MCU: variants seen among roughly 807,000 people sequenced by gnomAD.
The protein encoded by MCU is calcium uniporter protein, mitochondrial.
MCU carries 12 observed loss-of-function variants against 45.2 expected under a neutral mutation model. That is an observed-to-expected ratio of 0.27 (90% CI 0.17 to 0.43). MCU has a LOEUF of 0.43. MCU is among the 20% of genes least tolerant of loss of function. The probability of loss-of-function intolerance (pLI) is 1.00; values close to 1 mark genes in which losing one functional copy is unlikely to be tolerated. For missense variants in MCU, 324 were observed against 436.7 expected (o/e 0.74, Z 2.30); for synonymous variants, 160 against 165.1 (o/e 0.97, Z 0.24).
At chr10:72,775,715 G>T (rs1843882975) in intron 1 of MCU, among the ~76,000 whole-genome samples, 1 of 152,090 alleles carries the variant, frequency 6.6e-6, no homozygotes, top group African/African-American at 2.4e-5. Context: ...GACATACAAA[G>T]AATGGTTAGA....
rs530783562 is a variant in MCU at position 72,710,106 on chromosome 10, G to A, written c.150+17805G>A. 2.6e-5 allele frequency among the ~76,000 whole-genome samples: 4 copies of A among 152,262 alleles called. No homozygotes were observed. In the South Asian group the frequency reaches 8.3e-4, roughly 32 times the overall value. ...TTCTCCTGCCTCAGCCTCCTGAGTA[G>A]CTGGGACTACAGGCACATGCCACCA... On this transcript the variant is annotated intron_variant, in intron 1 of 7. Coordinates refer to ENST00000373053, the MANE Select transcript of MCU (RefSeq NM_138357.3).
chr10:72,716,650 G>C (rs573798071), intron 1 of MCU, among the ~76,000 whole-genome samples: 1 of 151,932 alleles, frequency 6.6e-6, no homozygotes, highest in Non-Finnish European at 1.5e-5. Context: ...TTGGGAGGCC[G>C]AGGTGTGAGG....
intron 1 of MCU, among the ~76,000 whole-genome samples, chr10:72,807,167 A>G (rs1157329597): frequency 1.3e-5 from 2 of 152,202 alleles, no homozygotes; most frequent in African/African-American, 4.8e-5. Flanking sequence ...AGCTGAGCTT[A>G]AAAGCCTGAT....
chr10:72,839,228 G>A (rs1377761940), intron 2 of MCU, among the ~76,000 whole-genome samples: 1 of 152,134 alleles, frequency 6.6e-6, no homozygotes, highest in Non-Finnish European at 1.5e-5. Flanking sequence ...GACCTCAGGT[G>A]ATCCACCCAC....
At position 72,707,649 on chromosome 10, in the gene MCU, T is replaced by TGTGTG. The variant is rs1564534358; in HGVS notation, c.150+15348_150+15349insGTGTG. On this transcript the variant is annotated intron_variant, in intron 1 of 7. Transcript: ENST00000373053. ...TGTGTGTGTGTGTGTGTGTGTGTGT[T>TGTGTG]TCCCACCAAAACAAAAGTAATTGAA... 3.0e-5 allele frequency among the ~76,000 whole-genome samples: 3 copies of TGTGTG among 98,738 alleles called. No homozygotes were observed. In the East Asian group the frequency reaches 1.7e-3, roughly 55 times the overall value. The allele number at this position is 98,738 out of a possible 152,430, so 64.8% of individuals were successfully genotyped here.
chr10:72,865,564 AG>A (rs1244852141), intron 4 of MCU, among the ~76,000 whole-genome samples: 1 of 152,084 alleles, frequency 6.6e-6, no homozygotes, highest in African/African-American at 2.4e-5. Flanking sequence ...TTTCTGAGAC[AG>A]GGTCTCACTC....
chr10:72,741,115 T>G (rs1843324830), intron 1 of MCU, among the ~76,000 whole-genome samples: 1 of 115,206 alleles, frequency 8.7e-6, no homozygotes, highest in Admixed American at 8.6e-5. Context: ...TTTTTTTTTT[T>G]GTGTGACGGA....
chr10:72,767,018 A>G (rs962334640), intron 1 of MCU: 3 of 152,194 alleles, frequency 2.0e-5, no homozygotes, highest in Non-Finnish European at 2.9e-5. Flanking sequence ...GACTTCTACC[A>G]CAATAAAATA....
intron 1 of MCU, among the ~76,000 whole-genome samples, chr10:72,783,483 C>T (rs1844026385): frequency 6.6e-6 from 1 of 152,194 alleles, no homozygotes; most frequent in Non-Finnish European, 1.5e-5. Context: ...ACTTATTCAA[C>T]TCTTTGGCAT....
intron 1 of MCU, among the ~76,000 whole-genome samples, chr10:72,710,657 G>T (rs1402555692): frequency 2.3e-4 from 33 of 144,138 alleles, no homozygotes; most frequent in Non-Finnish European, 1.5e-5. Context: ...TTTAAATTGT[G>T]AAGTATGTCA....
chr10:72,741,077 A>G (rs915987275), intron 1 of MCU, among the ~76,000 whole-genome samples: 74 of 150,846 alleles, frequency 4.9e-4, no homozygotes, highest in African/African-American at 1.7e-3. Context: ...TGAGTTCTTG[A>G]GAGAATAGCG....
chr10:72,863,003 C>T (rs2132873949), intron 4 of MCU, among the ~76,000 whole-genome samples: 1 of 152,116 alleles, frequency 6.6e-6, no homozygotes, highest in Non-Finnish European at 1.5e-5. Flanking sequence ...ATCTGGTCCC[C>T]ATCTACCTTT....
At chr10:72,780,936 A>G (rs1843983400) in intron 1 of MCU, among the ~76,000 whole-genome samples, 1 of 152,234 alleles carries the variant, frequency 6.6e-6, no homozygotes. Flanking sequence ...TAATTTGGTG[A>G]CATTGTGATA....
At chr10:72,776,149 C>T (rs1222723699) in intron 1 of MCU, among the ~76,000 whole-genome samples, 2 of 150,038 alleles carry the variant, frequency 1.3e-5, no homozygotes, top group African/African-American at 2.5e-5. Flanking sequence ...ACCTGGGCAA[C>T]ATGAGTGAGA....
chr10:72,748,824 C>T (rs985723206), intron 1 of MCU, among the ~76,000 whole-genome samples: 1 of 152,118 alleles, frequency 6.6e-6, no homozygotes, highest in African/African-American at 2.4e-5. Flanking sequence ...CTTTCCTTGA[C>T]AGTGGTATTA....
At chr10:72,829,548 A>T (rs1414195442) in intron 1 of MCU, among the ~76,000 whole-genome samples, 1 of 151,436 alleles carries the variant, frequency 6.6e-6, no homozygotes, top group Non-Finnish European at 1.5e-5. Context: ...TAACTTCTTG[A>T]TATATTTTTC....
intron 2 of MCU, among the ~76,000 whole-genome samples, chr10:72,835,669 A>G (rs1325365536): frequency 3.9e-5 from 6 of 152,230 alleles, no homozygotes; most frequent in African/African-American, 1.2e-4. Flanking sequence ...CATTGTGATT[A>G]CTCATTTGTA....
chr10:72,744,511 TC>T (rs1843382332), intron 1 of MCU, among the ~76,000 whole-genome samples: 1 of 152,140 alleles, frequency 6.6e-6, no homozygotes, highest in African/African-American at 2.4e-5. Flanking sequence ...ACAGCTGTAG[TC>T]CCAGCTACTC....
At chr10:72,731,569 C>G (rs186756785) in intron 1 of MCU, among the ~76,000 whole-genome samples, 3 of 152,174 alleles carry the variant, frequency 2.0e-5, no homozygotes, top group Admixed American at 6.5e-5. Flanking sequence ...CAGAATGTTT[C>G]CATCACTGCA....
Sources: gnomAD v4.1 joint callset for allele counts (sites outside exome capture counted in the v4.1 genomes callset) on GRCh38, gnomAD v4.1.1 for gene constraint, MANE v1.5 for transcripts, NCBI Gene and HGNC (gene_info 2026-07-23, HGNC 2026-07-21) for gene names.